The following WDFY2 variants were observed in gnomAD, a reference collection of about 807,000 sequenced individuals.
WDFY2 encodes WD repeat and FYVE domain-containing protein 2.
WDFY2 carries 36 observed loss-of-function variants against 56.4 expected under a neutral mutation model. The observed-to-expected ratio is 0.64, with a 90% CI of 0.49 to 0.84. WDFY2 has a LOEUF of 0.84. Ranked by LOEUF, WDFY2 falls within the 40% of genes least tolerant of loss-of-function variation. The pLI, the probability that WDFY2 is intolerant of heterozygous loss-of-function variation, is 0.00. For synonymous variants in WDFY2, 176 were observed against 183.7 expected, an observed-to-expected ratio of 0.96 and a Z score of 0.34; for missense variants, 444 against 512.2, an observed-to-expected ratio of 0.87 and a Z score of 1.29.
At position 51,703,513 on chromosome 13, in the gene WDFY2, G is replaced by A. The variant is rs571106056; in HGVS notation, c.280-83G>A. On this transcript the variant is annotated intron_variant, in intron 3 of 11. Coordinates refer to ENST00000298125, the MANE Select transcript of WDFY2 (RefSeq NM_052950.4). ...TTGGATGTAATCGTCATGACAATTCGCTTTATTCAGTCTGGTTTTACCAAA... is the reference window on the plus strand; with the variant it reads ...TTGGATGTAATCGTCATGACAATTCACTTTATTCAGTCTGGTTTTACCAAA... 1.4e-4 allele frequency: 141 copies of A among 1,027,854 alleles called. 1 individual carries two copies. The highest frequency in any genetic ancestry group is 5.0e-4 in the East Asian group (18 of 35,764). The allele number at this position is 1,027,854 out of a possible 1,614,324, so 63.7% of individuals were successfully genotyped here.
At chr13:51,736,305 T>G (rs1351750057) in intron 6 of WDFY2, among the ~76,000 whole-genome samples, 9 of 152,214 alleles carry the variant, frequency 5.9e-5, no homozygotes, top group Non-Finnish European at 1.3e-4. Flanking sequence ...CACAGAAACG[T>G]TAAGTAACTT....
intron 6 of WDFY2, among the ~76,000 whole-genome samples, chr13:51,730,787 T>C (rs1255808847): frequency 2.0e-5 from 3 of 152,106 alleles, no homozygotes; most frequent in Admixed American, 2.0e-4. Context: ...ACCAGCGTGT[T>C]CAAGGCAAGG....
chr13:51,706,690 G>A (rs1593434429), intron 4 of WDFY2, among the ~76,000 whole-genome samples: 1 of 152,304 alleles, frequency 6.6e-6, no homozygotes, highest in Admixed American at 6.5e-5. Context: ...CATAAAGTTG[G>A]TCCTTGGCCC....
chr13:51,719,101 G>A, intron 4 of WDFY2, 97 bp from the exon 5 acceptor site: 1 of 1,531,044 alleles, frequency 6.5e-7, no homozygotes, highest in South Asian at 1.2e-5. Flanking sequence ...AGCTTATTCT[G>A]GGGTGGGGAG....
At chr13:51,730,102 C>T (rs537968237) in intron 6 of WDFY2, among the ~76,000 whole-genome samples, 114 of 152,312 alleles carry the variant, frequency 7.5e-4, no homozygotes, top group Non-Finnish European at 1.2e-3. Flanking sequence ...TTGTGACTGG[C>T]TTATTTCACT....
At chr13:51,686,534 G>A (rs906071024) in intron 3 of WDFY2, among the ~76,000 whole-genome samples, 1 of 151,932 alleles carries the variant, frequency 6.6e-6, no homozygotes, top group Admixed American at 6.6e-5. Flanking sequence ...TTTCTTGTGC[G>A]TGCCATTTTT....
intron 7 of WDFY2, among the ~76,000 whole-genome samples, chr13:51,741,377 G>C (rs1026523436): frequency 2.0e-5 from 3 of 152,168 alleles, no homozygotes; most frequent in African/African-American, 7.2e-5. Flanking sequence ...CCCGGGGAGG[G>C]GTTGCTCTGG....
At chr13:51,605,355 C>G (rs775486756) in intron 1 of WDFY2, among the ~76,000 whole-genome samples, 1 of 152,078 alleles carries the variant, frequency 6.6e-6, no homozygotes, top group Admixed American at 6.6e-5. Flanking sequence ...TTCTTAGGTA[C>G]AAAATGAGGA....
chr13:51,696,130 G>A (rs907316561), intron 3 of WDFY2, among the ~76,000 whole-genome samples: 17 of 152,184 alleles, frequency 1.1e-4, no homozygotes, highest in South Asian at 8.3e-4. Flanking sequence ...TGCGCTTCCC[G>A]AGTGAGGCAA....
intron 3 of WDFY2, among the ~76,000 whole-genome samples, chr13:51,682,102 A>G (rs1021891837): frequency 6.6e-6 from 1 of 152,194 alleles, no homozygotes; most frequent in South Asian, 2.1e-4. Context: ...GAATACCCGT[A>G]GGAGCACCCA....
chr13:51,767,462 G>A lies in WDFY2; in HGVS notation c.*7693G>A, dbSNP rs1953785234. On this transcript the variant is annotated 3_prime_UTR_variant, in exon 12 of 12. Transcript: ENST00000298125. ...GACCACTGAGAAGCTGCAGCCGTCT[G>A]GGTTTTCCTCTGCTATGGGGGATGA... is the stretch of plus-strand genomic sequence containing the variant. 6.6e-6 allele frequency: 1 copy of A among 152,198 alleles called. No homozygotes were observed. Among genetic ancestry groups the A allele is most frequent in the African/African-American group, 2.4e-5 (1 of 41,422 alleles). The allele number at this position is 152,198 out of a possible 1,614,324, so 9.4% of individuals were successfully genotyped here. A position where few individuals can be genotyped will look rare whatever the true frequency, so the allele number is the denominator to read the frequency against.
chr13:51,646,273 C>T (rs1462180242), intron 1 of WDFY2, among the ~76,000 whole-genome samples: 3 of 152,336 alleles, frequency 2.0e-5, no homozygotes, highest in Admixed American at 2.0e-4. Context: ...GCTCGCCTTG[C>T]CTCCCTGGGC....
At chr13:51,586,131 T>G (rs2138275237) in intron 1 of WDFY2, 1 of 398,514 alleles carries the variant, frequency 2.5e-6, no homozygotes, top group East Asian at 3.6e-5. Flanking sequence ...CCTTTTGAAA[T>G]TCACAGAGAA....
At chr13:51,733,049 G>GTTTTTT in intron 6 of WDFY2, among the ~76,000 whole-genome samples, 1 of 152,162 alleles carries the variant, frequency 6.6e-6, no homozygotes, top group South Asian at 2.1e-4. Flanking sequence ...TTTTGTTTTT[G>GTTTTTT]TTTTGAGACA....
chr13:51,628,695 C>A (rs1954888746), intron 1 of WDFY2, among the ~76,000 whole-genome samples: 1 of 152,230 alleles, frequency 6.6e-6, no homozygotes, highest in East Asian at 1.9e-4. Flanking sequence ...GCAGGATGAG[C>A]TAATAGAGCC....
At chr13:51,701,831 A>G (rs916839983) in intron 3 of WDFY2, among the ~76,000 whole-genome samples, 4 of 152,050 alleles carry the variant, frequency 2.6e-5, no homozygotes, top group East Asian at 1.9e-4. Context: ...CCAGATAACA[A>G]TTGTCTTCAA....
At chr13:51,693,310 G>A (rs2138552561) in intron 3 of WDFY2, among the ~76,000 whole-genome samples, 1 of 151,724 alleles carries the variant, frequency 6.6e-6, no homozygotes, top group Non-Finnish European at 1.5e-5. Context: ...GCTTTCTCTT[G>A]TGGGCATTTA....
intron 6 of WDFY2, among the ~76,000 whole-genome samples, chr13:51,734,842 T>C (rs1952800861): frequency 6.6e-6 from 1 of 152,198 alleles, no homozygotes; most frequent in Non-Finnish European, 1.5e-5. Flanking sequence ...ACCAGAAAGA[T>C]GGATTAACTT....
In WDFY2 at chr13:51,739,202, ACT is replaced by A. The variant is rs756139395; in HGVS notation, c.725+30_725+31del. 8.3e-5 allele frequency: 129 copies of A among 1,558,316 alleles called. 1 individual carries two copies. Among genetic ancestry groups the A allele is most frequent in the Non-Finnish European group, 1.1e-4 (121 of 1,149,930 alleles). ...TAAGGTTGCTGGTGCTTTCATAAAGACTCTGAGAAAAGATTCTCAGCTGACAG... is the reference window on the plus strand; with the variant it reads ...TAAGGTTGCTGGTGCTTTCATAAAGACTGAGAAAAGATTCTCAGCTGACAG... On this transcript the variant is annotated intron_variant, in intron 7 of 11. Transcript: ENST00000298125.
Sources: allele counts gnomAD v4.1 joint callset (sites outside exome capture counted in the v4.1 genomes callset), GRCh38; gene constraint gnomAD v4.1.1; transcripts MANE v1.5; gene names NCBI Gene and HGNC (gene_info 2026-07-23, HGNC 2026-07-21).